The following COL10A1 variants were observed in gnomAD, a reference collection of about 807,000 sequenced individuals.
The protein encoded by COL10A1 is collagen alpha-1(X) chain.
In COL10A1, 10 loss-of-function variants were observed where a neutral mutation model predicts 18.2. That is an observed-to-expected ratio of 0.55 (90% CI 0.34 to 0.93). The LOEUF (loss-of-function observed/expected upper bound fraction) is 0.93. Among genes scored for constraint, COL10A1 ranks in the 40% least tolerant of loss-of-function variants. COL10A1 has a pLI of 0.02. For synonymous variants in COL10A1, 330 were observed against 316.6 expected (o/e 1.04, Z -0.45); for missense variants, 897 against 853.5 (o/e 1.05, Z -0.64).
chr6:116,192,573 T>C, the COL10A1 span, among the ~76,000 whole-genome samples: 1 of 152,208 alleles, frequency 6.6e-6, no homozygotes, highest in East Asian at 1.9e-4. Flanking sequence ...CTATTTTCTT[T>C]TGATATAAAG....
In COL10A1 at chr6:116,137,731, C is replaced by T. The variant is rs567605087; in HGVS notation, c.-15-12224G>A. 5.3e-5 allele frequency among the ~76,000 whole-genome samples: 8 copies of T among 152,314 alleles called. No individual in the cohort carries two copies. In the South Asian group the frequency reaches 1.0e-3, roughly 20 times the overall value. Reference sequence around the variant, plus strand: ...TTTTATAAAATGCATGTGTGCAATACGTACCTGTTTATATGGAAAACCAGT... The same window carrying T: ...TTTTATAAAATGCATGTGTGCAATATGTACCTGTTTATATGGAAAACCAGT... On this transcript the variant is annotated intron_variant, in intron 1 of 1. Transcript: ENST00000418500.
chr6:116,216,526 A>G, the COL10A1 span, among the ~76,000 whole-genome samples: 1 of 151,946 alleles, frequency 6.6e-6, no homozygotes, highest in African/African-American at 2.4e-5. Flanking sequence ...TTTGTATATT[A>G]TGTTTTTCTC....
the COL10A1 span, among the ~76,000 whole-genome samples, chr6:116,177,663 T>A: frequency 6.6e-6 from 1 of 152,164 alleles, no homozygotes; most frequent in Non-Finnish European, 1.5e-5. Flanking sequence ...TAAAAATTCG[T>A]GGATATAAGA....
the COL10A1 span, among the ~76,000 whole-genome samples, chr6:116,195,499 A>G: frequency 6.6e-6 from 1 of 152,032 alleles, no homozygotes; most frequent in Non-Finnish European, 1.5e-5. Context: ...ATTCATTTTT[A>G]AGAATAGTTC....
intron 1 of COL10A1, among the ~76,000 whole-genome samples, chr6:116,147,268 C>T (rs1779921052): frequency 6.6e-6 from 1 of 151,682 alleles, no homozygotes; most frequent in Non-Finnish European, 1.5e-5. Context: ...ATGGTGAAAT[C>T]CCGACTCTAC....
the COL10A1 span, among the ~76,000 whole-genome samples, chr6:116,216,899 C>G: frequency 6.6e-6 from 1 of 152,128 alleles, no homozygotes; most frequent in Non-Finnish European, 1.5e-5. Context: ...CTAGCGTGCT[C>G]TTATATAACT....
the COL10A1 span, among the ~76,000 whole-genome samples, chr6:116,196,330 G>T: frequency 6.6e-6 from 1 of 151,828 alleles, no homozygotes; most frequent in African/African-American, 2.4e-5. Flanking sequence ...TTGAATTTTT[G>T]CATTGCTCTA....
At chr6:116,191,216 C>T in the COL10A1 span, among the ~76,000 whole-genome samples, 1 of 152,038 alleles carries the variant, frequency 6.6e-6, no homozygotes, top group East Asian at 1.9e-4. Context: ...ACAACTCCTA[C>T]CCTTCCTTTG....
chr6:116,151,618 G>T (rs908069787), intron 1 of COL10A1, among the ~76,000 whole-genome samples: 1 of 152,124 alleles, frequency 6.6e-6, no homozygotes, highest in Non-Finnish European at 1.5e-5. Context: ...TGCAGTACAT[G>T]CAAATAATGG....
chr6:116,214,095 C>T, the COL10A1 span, among the ~76,000 whole-genome samples: 1 of 152,002 alleles, frequency 6.6e-6, no homozygotes, highest in South Asian at 2.1e-4. Context: ...AAGTAAATTT[C>T]TCAAAAATCC....
Position 116,125,343 on chromosome 6 carries a change from A to T in COL10A1, c.150T>A (p.Ser50Arg), listed in dbSNP as rs142411445. 9,758 of 1,613,252 alleles carry T rather than the reference A, an allele frequency of 6.0e-3. 57 individuals carry two copies. Among genetic ancestry groups the T allele is most frequent in the Non-Finnish European group, 7.6e-3 (9,000 of 1,179,542 alleles). Reference protein sequence around the residue: ...TQFFIPYTIKSKGIAVRGEQG... With the variant: ...TQFFIPYTIKRKGIAVRGEQG... ...AAAATATACAATTCAATTTACCTTTACTCTTTATGGTGTAGGGAATGAAGA... is the reference window on the plus strand; with the variant it reads ...AAAATATACAATTCAATTTACCTTTTCTCTTTATGGTGTAGGGAATGAAGA... The change falls in exon 2 of 3, where the codon AGT becomes AGA. Residue 50 changes from serine (S) to arginine (R), a missense_variant. Ser to Arg is a moderately radical substitution (Grantham distance 110). Coordinates refer to ENST00000651968, the MANE Select transcript of COL10A1 (RefSeq NM_000493.4).
chr6:116,138,571 C>T (rs1779682788), intron 1 of COL10A1, among the ~76,000 whole-genome samples: 1 of 151,740 alleles, frequency 6.6e-6, no homozygotes, highest in Non-Finnish European at 1.5e-5. Flanking sequence ...GTGCGAATGT[C>T]GATATATTTG....
At chr6:116,197,678 T>C in the COL10A1 span, among the ~76,000 whole-genome samples, 2 of 152,084 alleles carry the variant, frequency 1.3e-5, no homozygotes, top group African/African-American at 4.8e-5. Flanking sequence ...ATTGACACAA[T>C]TACTTTTAAG....
At chr6:116,200,879 C>T in the COL10A1 span, among the ~76,000 whole-genome samples, 1 of 152,118 alleles carries the variant, frequency 6.6e-6, no homozygotes, top group Middle Eastern at 3.4e-3. Flanking sequence ...CACATATGCT[C>T]CCTTCTTCTT....
upstream of COL10A1, among the ~76,000 whole-genome samples, chr6:116,130,490 T>C (rs577338301): frequency 7.9e-5 from 12 of 151,850 alleles, no homozygotes; most frequent in Non-Finnish European, 1.8e-4. Context: ...TTTGTACCTT[T>C]CGTGGCCCAG....
At chr6:116,213,973 C>T in the COL10A1 span, among the ~76,000 whole-genome samples, 8 of 152,042 alleles carry the variant, frequency 5.3e-5, no homozygotes, top group South Asian at 2.1e-4. Context: ...GTGATCCTCC[C>T]GCCTCACCTT....
upstream of COL10A1, among the ~76,000 whole-genome samples, chr6:116,128,438 TC>T (rs771785150): frequency 9.2e-3 from 1,404 of 152,258 alleles, 21 homozygotes; most frequent in Non-Finnish European, 0.013. Flanking sequence ...GGAAACCCAT[TC>T]CACTCAAAAC....
At chr6:116,156,921 C>T (rs1240899878) in intron 1 of COL10A1, among the ~76,000 whole-genome samples, 2 of 152,112 alleles carry the variant, frequency 1.3e-5, no homozygotes, top group South Asian at 2.1e-4. Context: ...TGTAAGTAGC[C>T]CCTGGTGCAT....
rs143685448 is a variant in COL10A1 at position 116,120,801 on chromosome 6, C to G, written c.1315G>C (p.Ala439Pro). The part of the protein sequence containing the change: ...AKGMPGHNGE[A>P]GPRGAPGIPG... ...ATTCCAGGGGCACCTCTTGGGCCAG[C>G]CTCTCCATTGTGTCCGGGCATTCCC... is the stretch of plus-strand genomic sequence containing the variant. Residue 439 changes from alanine (A) to proline (P), a missense_variant, in exon 3 of 3, where the codon GCT (alanine) becomes CCT (proline). By Grantham distance (27) the Ala-to-Pro change is conservative. Coordinates refer to ENST00000651968, the MANE Select transcript of COL10A1 (RefSeq NM_000493.4). The G allele has an allele frequency of 6.2e-7, 1 of 1,612,580 alleles. No homozygotes were observed. Among genetic ancestry groups the G allele is most frequent in the Non-Finnish European group, 8.5e-7 (1 of 1,179,748 alleles).
Sources: allele counts gnomAD v4.1 joint callset (sites outside exome capture counted in the v4.1 genomes callset), GRCh38; gene constraint gnomAD v4.1.1; transcripts MANE v1.5; gene names NCBI Gene and HGNC (gene_info 2026-07-23, HGNC 2026-07-21).